The following PRTFDC1 variants were observed in gnomAD, a reference collection of about 807,000 sequenced individuals.
PRTFDC1 encodes the protein phosphoribosyl transferase domain containing 1.
In PRTFDC1, 38 loss-of-function variants were observed where a neutral mutation model predicts 34.6. The observed-to-expected ratio is 1.10, with a 90% CI of 0.85 to 1.44. PRTFDC1 has a LOEUF of 1.44. PRTFDC1 is among the 40% of genes most tolerant of loss of function. The probability of loss-of-function intolerance (pLI) is 0.00; values close to 1 mark genes in which losing one functional copy is unlikely to be tolerated. For synonymous variants in PRTFDC1, 93 were observed against 98.1 expected (o/e 0.95, Z 0.31); for missense variants, 270 against 283.0 (o/e 0.95, Z 0.33).
intron 3 of PRTFDC1, among the ~76,000 whole-genome samples, chr10:24,874,328 G>A (rs1035550732): frequency 6.6e-6 from 1 of 152,192 alleles, no homozygotes; most frequent in Non-Finnish European, 1.5e-5. Context: ...AGTCATGACA[G>A]TGGTTAAGGA....
intron 3 of PRTFDC1, among the ~76,000 whole-genome samples, chr10:24,889,526 A>G (rs1481249044): frequency 6.6e-6 from 1 of 152,232 alleles, no homozygotes; most frequent in Admixed American, 6.5e-5. Context: ...AAAATTATTA[A>G]CAATATCATT....
At chr10:24,903,984 G>C (rs1429239711) in intron 3 of PRTFDC1, among the ~76,000 whole-genome samples, 2 of 151,918 alleles carry the variant, frequency 1.3e-5, no homozygotes, top group Admixed American at 6.6e-5. Flanking sequence ...CTACTGCACC[G>C]AGCTGGAGTT....
chr10:24,935,826 C>A (rs11014309), intron 3 of PRTFDC1, among the ~76,000 whole-genome samples: 30,567 of 152,112 alleles, frequency 0.2, 4,644 homozygotes, highest in African/African-American at 0.43. Context: ...CACCTGGGGA[C>A]AACCCCTAGG....
intron 7 of PRTFDC1, among the ~76,000 whole-genome samples, chr10:24,852,612 A>G (rs1847509529): frequency 6.6e-6 from 1 of 152,206 alleles, no homozygotes. Context: ...TATTGGAGAG[A>G]ATTCTTAAGG....
intron 1 of PRTFDC1, among the ~76,000 whole-genome samples, chr10:24,950,470 G>A (rs1849322620): frequency 6.6e-6 from 1 of 152,092 alleles, no homozygotes; most frequent in African/African-American, 2.4e-5. Context: ...TTTTGGATTA[G>A]GGATGCTCAA....
At chr10:24,859,543 G>A (rs1847641245) in intron 4 of PRTFDC1, among the ~76,000 whole-genome samples, 1 of 152,198 alleles carries the variant, frequency 6.6e-6, no homozygotes, top group Non-Finnish European at 1.5e-5. Context: ...GCCACACCCA[G>A]CCACCTTCTG....
intron 3 of PRTFDC1, among the ~76,000 whole-genome samples, chr10:24,872,508 C>T (rs981557569): frequency 6.6e-6 from 1 of 151,862 alleles, no homozygotes; most frequent in East Asian, 1.9e-4. Context: ...CCTGAGAGAC[C>T]GGAGGCCTCC....
intron 3 of PRTFDC1, among the ~76,000 whole-genome samples, chr10:24,895,692 T>TAC (rs1848346121): frequency 9.3e-6 from 1 of 107,668 alleles, no homozygotes; most frequent in Non-Finnish European, 1.8e-5. Context: ...GGGGTGGATA[T>TAC]ATATATATAT....
At chr10:24,880,112 T>G (rs1848040347) in intron 3 of PRTFDC1, among the ~76,000 whole-genome samples, 1 of 152,238 alleles carries the variant, frequency 6.6e-6, no homozygotes, top group Non-Finnish European at 1.5e-5. Context: ...TCAGGGTTCC[T>G]ACTTCATAGG....
At chr10:24,869,951 A>G (rs1366446171) in intron 4 of PRTFDC1, among the ~76,000 whole-genome samples, 4 of 152,200 alleles carry the variant, frequency 2.6e-5, no homozygotes, top group Non-Finnish European at 5.9e-5. Flanking sequence ...TCAGTCACCA[A>G]ATATTTATTC....
At position 24,856,955 on chromosome 10, in the gene PRTFDC1, C is replaced by G; in HGVS notation, c.464G>C (p.Ser155Thr). Reference sequence around the variant, plus strand: ...GTTGGGCTTGTATTTCTCTATATTGCTGAGTAGTGCTTTCATGGTCCTCCC... The same window carrying G: ...GTTGGGCTTGTATTTCTCTATATTGGTGAGTAGTGCTTTCATGGTCCTCCC... ...GTGRTMKALL[S>T]NIEKYKPNMI... The change falls in exon 6 of 9, where the codon AGC becomes ACC. Residue 155 changes from serine (S) to threonine (T), a missense_variant. Ser to Thr is a moderately conservative substitution (Grantham distance 58). Transcript: ENST00000320152. The G allele has an allele frequency of 6.2e-7, 1 of 1,613,870 alleles. No individual in the cohort carries two copies.
At chr10:24,923,634 C>T (rs1054429589) in intron 3 of PRTFDC1, among the ~76,000 whole-genome samples, 2 of 152,152 alleles carry the variant, frequency 1.3e-5, no homozygotes, top group Non-Finnish European at 2.9e-5. Flanking sequence ...CACACCAAAA[C>T]CCCATCTGTA....
At position 24,872,052 on chromosome 10, in the gene PRTFDC1, G is replaced by T. The variant is rs1464740793; in HGVS notation, c.351C>A (p.Ser117=). Residue 117 remains serine (S), a synonymous_variant, in exon 4 of 9, where the codon TCC becomes TCA. Transcript: ENST00000320152. ...IRLKSYRNDQ[S]MGEMQIIGGD... The stretch of plus-strand genomic sequence containing the variant: ...CTCCGATTATCTGCATCTCACCCAT[G>T]GACTGGTCATTCTGCAAAAAAGAAG... 6.2e-7 allele frequency: 1 copy of T among 1,610,224 alleles called. No homozygotes were observed. The highest frequency in any genetic ancestry group is 8.5e-7 in the Non-Finnish European group (1 of 1,177,196).
At chr10:24,885,871 A>T (rs1350617118) in intron 3 of PRTFDC1, among the ~76,000 whole-genome samples, 1 of 152,248 alleles carries the variant, frequency 6.6e-6, no homozygotes, top group Non-Finnish European at 1.5e-5. Context: ...GCATATTACT[A>T]AGTGAAAGAA....
At chr10:24,863,875 A>C (rs1057278333) in intron 4 of PRTFDC1, among the ~76,000 whole-genome samples, 3 of 151,992 alleles carry the variant, frequency 2.0e-5, no homozygotes, top group Non-Finnish European at 4.4e-5. Context: ...CAGTAGTTTG[A>C]GACCAGCCTG....
rs561695499 is a variant in PRTFDC1 at position 24,951,600 on chromosome 10, GC to G, written c.48+927del. ...TAAACAGATTATCTGTGAATGACAA[GC>G]TGATCCCTGGAAAGAGATGGCAAGT... On this transcript the variant is annotated intron_variant, in intron 1 of 8. Transcript: ENST00000320152. 2.4e-4 allele frequency: 238 copies of G among 985,366 alleles called. 1 individual carries two copies. In the African/African-American group the frequency reaches 3.5e-3, roughly 14 times the overall value. The allele number at this position is 985,366 out of a possible 1,614,324, so 61.0% of individuals were successfully genotyped here.
rs200345966 is a variant in PRTFDC1 at position 24,937,231 on chromosome 10, G to T, written c.292C>A (p.Arg98=). 6.2e-7 allele frequency: 1 copy of T among 1,613,562 alleles called. No homozygotes were observed. The highest frequency in any genetic ancestry group is 2.2e-5 in the East Asian group (1 of 44,846). The change falls in exon 3 of 9, where the codon CGA becomes AGA. Residue 98 remains arginine, a synonymous_variant. Coordinates refer to ENST00000320152, the MANE Select transcript of PRTFDC1 (RefSeq NM_020200.7). ...AAATCAACCTTCATTGAGACAAATC[G>T]ATCTGAATTTCGGCTGATGTTCTTA... is the stretch of plus-strand genomic sequence containing the variant. ...HLKNISRNSD[R]FVSMKVDFIR...
At chr10:24,908,850 A>G in intron 3 of PRTFDC1, 2 of 1,156,336 alleles carry the variant, frequency 1.7e-6, no homozygotes, top group Admixed American at 2.9e-5. Context: ...CAGCCACCTC[A>G]AGAAAACCAG....
At chr10:24,923,297 G>A (rs1848818993) in intron 3 of PRTFDC1, among the ~76,000 whole-genome samples, 1 of 152,204 alleles carries the variant, frequency 6.6e-6, no homozygotes. Context: ...GAGAGCAGTG[G>A]TTCTCCCAGC....
Sources: gnomAD v4.1 joint callset for allele counts (sites outside exome capture counted in the v4.1 genomes callset) on GRCh38, gnomAD v4.1.1 for gene constraint, MANE v1.5 for transcripts, NCBI Gene and HGNC (gene_info 2026-07-23, HGNC 2026-07-21) for gene names.